Variants in NTNG1 observed in about 807,000 individuals in gnomAD.
The protein encoded by NTNG1 is netrin-G1.
NTNG1 carries 16 observed loss-of-function variants against 54.0 expected under a neutral mutation model. That is an observed-to-expected ratio of 0.30 (90% CI 0.20 to 0.45). NTNG1 has a LOEUF of 0.45. Ranked by LOEUF, NTNG1 falls within the 20% of genes least tolerant of loss-of-function variation. The pLI is 1.00. For synonymous variants in NTNG1, 255 were observed against 263.1 expected (o/e 0.97, Z 0.30); for missense variants, 530 against 678.7 (o/e 0.78, Z 2.43).
chr1:107,361,316 A>T (rs1670262793), intron 3 of NTNG1, among the ~76,000 whole-genome samples: 1 of 143,836 alleles, frequency 7.0e-6, no homozygotes, highest in Non-Finnish European at 1.5e-5. Context: ...AACATAATAT[A>T]TAACATATAT....
chr1:107,457,757 T>C (rs1189581632), intron 7 of NTNG1, among the ~76,000 whole-genome samples: 2 of 152,176 alleles, frequency 1.3e-5, no homozygotes, highest in Admixed American at 1.3e-4. Context: ...CTTATGAGTT[T>C]GTAGTGTGGG....
chr1:107,291,698 C>T (rs1206765192), intron 2 of NTNG1, among the ~76,000 whole-genome samples: 1 of 151,970 alleles, frequency 6.6e-6, no homozygotes, highest in African/African-American at 2.4e-5. Context: ...TTAAATGATG[C>T]ATTATATAAA....
chr1:107,163,853 C>T (rs981805631), intron 2 of NTNG1, among the ~76,000 whole-genome samples: 7 of 152,050 alleles, frequency 4.6e-5, no homozygotes, highest in African/African-American at 1.7e-4. Flanking sequence ...GGAATAGGCT[C>T]AATATGTTGG....
At chr1:107,373,816 A>C (rs1425730307) in intron 3 of NTNG1, among the ~76,000 whole-genome samples, 1 of 152,082 alleles carries the variant, frequency 6.6e-6, no homozygotes. Flanking sequence ...CTCATGACTC[A>C]GCCTCTCAAG....
At chr1:107,472,527 G>A (rs1678048522) in intron 7 of NTNG1, among the ~76,000 whole-genome samples, 1 of 152,170 alleles carries the variant, frequency 6.6e-6, no homozygotes, top group Admixed American at 6.5e-5. Context: ...CTGGGTGGAT[G>A]TTGGACAAAC....
intron 5 of NTNG1, 138 bp downstream of exon 5, chr1:107,407,846 T>TGTTG (rs1158928905): frequency 6.2e-6 from 5 of 812,212 alleles, no homozygotes; most frequent in Non-Finnish European, 2.2e-6. Flanking sequence ...TGCATTTTTG[T>TGTTG]GTTGGTTTTC....
intron 2 of NTNG1, among the ~76,000 whole-genome samples, chr1:107,225,783 C>T (rs746122591): frequency 1.3e-5 from 2 of 152,110 alleles, no homozygotes; most frequent in Non-Finnish European, 2.9e-5. Context: ...GTTTTTCAAG[C>T]CTGTTACTGT....
intron 4 of NTNG1, among the ~76,000 whole-genome samples, chr1:107,400,914 T>C (rs1672990155): frequency 6.6e-6 from 1 of 152,220 alleles, no homozygotes; most frequent in Admixed American, 6.5e-5. Flanking sequence ...CTTCCCAAAG[T>C]GCTGGGATTA....
intron 3 of NTNG1, among the ~76,000 whole-genome samples, chr1:107,376,304 A>G (rs1187949355): frequency 6.6e-6 from 1 of 151,938 alleles, no homozygotes; most frequent in South Asian, 2.1e-4. Flanking sequence ...GCTACTCGGG[A>G]GGCTGAGGCA....
intron 2 of NTNG1, among the ~76,000 whole-genome samples, chr1:107,224,693 G>A (rs969008734): frequency 2.0e-5 from 3 of 152,152 alleles, no homozygotes; most frequent in Non-Finnish European, 4.4e-5. Flanking sequence ...CTCCCTACTG[G>A]ATTCCTGTCT....
intron 2 of NTNG1, among the ~76,000 whole-genome samples, chr1:107,275,706 G>T (rs533351583): frequency 1.3e-5 from 2 of 152,222 alleles, no homozygotes; most frequent in Non-Finnish European, 2.9e-5. Context: ...CAGCCTTTAT[G>T]TTCTATTCAC....
intron 2 of NTNG1, among the ~76,000 whole-genome samples, chr1:107,234,532 C>T (rs1258803408): frequency 1.3e-5 from 2 of 152,140 alleles, no homozygotes; most frequent in African/African-American, 4.8e-5. Context: ...TATGTTTCCT[C>T]TTTTGATCCA....
intron 2 of NTNG1, among the ~76,000 whole-genome samples, chr1:107,200,517 G>T (rs1343195795): frequency 6.6e-6 from 1 of 151,530 alleles, no homozygotes; most frequent in East Asian, 1.9e-4. Flanking sequence ...CATGTGTCCA[G>T]GGGAAAGGAT....
Position 107,142,768 on chromosome 1 carries a change from A to ATT in NTNG1, c.-526+1640_-526+1641dup, listed in dbSNP as rs61137540. On this transcript the variant is annotated intron_variant, in intron 1 of 7. Transcript: ENST00000370068. ...TTGTTGGAAAGTTTTCCAAAAAATA[A>ATT]TTTTTTTTTTTTTCAGGGGAGGCTT... Among the ~76,000 whole-genome samples, 1,170 of 138,530 alleles carry ATT rather than the reference A, an allele frequency of 8.4e-3. 18 individuals carry two copies. The highest frequency in any genetic ancestry group is 0.035 in the African/African-American group (1,122 of 32,480). 90.9% of individuals were successfully genotyped at this position (138,530 alleles called of 152,430 possible).
chr1:107,235,773 A>G (rs1258369777), intron 2 of NTNG1, among the ~76,000 whole-genome samples: 1 of 152,192 alleles, frequency 6.6e-6, no homozygotes, highest in East Asian at 1.9e-4. Flanking sequence ...CTTCAAGGAA[A>G]TATATTGGGA....
chr1:107,330,013 C>T (rs1186467811), intron 3 of NTNG1, among the ~76,000 whole-genome samples: 1 of 152,012 alleles, frequency 6.6e-6, no homozygotes, highest in African/African-American at 2.4e-5. Flanking sequence ...TTAGTAAAAC[C>T]TTTGATAAAG....
At chr1:107,288,808 G>A (rs976050822) in intron 2 of NTNG1, among the ~76,000 whole-genome samples, 3 of 152,090 alleles carry the variant, frequency 2.0e-5, no homozygotes, top group African/African-American at 4.8e-5. Context: ...TTTGTTCAAA[G>A]GTTACATATT....
Position 107,427,820 on chromosome 1 carries a change from T to C in NTNG1, c.1088-2930T>C, listed in dbSNP as rs1675001193. Among the ~76,000 whole-genome samples the C allele has an allele frequency of 2.0e-5, 3 of 152,272 alleles. No homozygotes were observed. The South Asian group carries it at 6.2e-4, about 32-fold the overall frequency. ...TAGCTGAACATGATTTCTTATACAA[T>C]TATTTATCATTTCCTTTCTAAATTA... On this transcript the variant is annotated intron_variant, in intron 5 of 7. Coordinates refer to ENST00000370068, the MANE Select transcript of NTNG1 (RefSeq NM_001113226.3).
intron 2 of NTNG1, among the ~76,000 whole-genome samples, chr1:107,274,873 T>A (rs1025100688): frequency 2.0e-5 from 3 of 152,226 alleles, no homozygotes; most frequent in Admixed American, 2.0e-4. Context: ...TGTGTCAGCT[T>A]AGACACTTTT....
Sources: allele counts gnomAD v4.1 joint callset (sites outside exome capture counted in the v4.1 genomes callset), GRCh38; gene constraint gnomAD v4.1.1; transcripts MANE v1.5; gene names NCBI Gene and HGNC (gene_info 2026-07-23, HGNC 2026-07-21).